The following FARS2 variants were observed in gnomAD, a reference collection of about 807,000 sequenced individuals.
FARS2 encodes phenylalanyl-tRNA synthetase 2, mitochondrial.
In FARS2, 40 loss-of-function variants were observed where a neutral mutation model predicts 46.4. The observed-to-expected ratio is 0.86, with a 90% CI of 0.67 to 1.12. The LOEUF (loss-of-function observed/expected upper bound fraction) is 1.12, where lower values mean the gene tolerates loss of function less well. FARS2 is among the 50% of genes most tolerant of loss of function. The pLI is 0.00. For missense variants in FARS2, 513 were observed against 567.9 expected, an observed-to-expected ratio of 0.90 and a Z score of 0.98; for synonymous variants, 234 against 214.9, an observed-to-expected ratio of 1.09 and a Z score of -0.78.
chr6:5,474,953 G>A (rs1029289678), intron 4 of FARS2, among the ~76,000 whole-genome samples: 16 of 152,100 alleles, frequency 1.1e-4, no homozygotes, highest in South Asian at 4.2e-4. Flanking sequence ...CCACCACGCC[G>A]GTGCCCAGCC....
intron 1 of FARS2, among the ~76,000 whole-genome samples, chr6:5,323,422 CT>C (rs1770124364): frequency 6.6e-6 from 1 of 152,126 alleles, no homozygotes; most frequent in African/African-American, 2.4e-5. Flanking sequence ...GAGGGTTGGC[CT>C]TAGGAAGCCT....
chr6:5,419,896 T>A (rs2432759), intron 3 of FARS2, among the ~76,000 whole-genome samples: 6,564 of 152,192 alleles, frequency 0.043, 478 homozygotes, highest in African/African-American at 0.15. Context: ...GCTCACTTTA[T>A]CCTCTCTTCC....
At chr6:5,616,027 A>G (rs1359385810) in intron 6 of FARS2, among the ~76,000 whole-genome samples, 1 of 151,168 alleles carries the variant, frequency 6.6e-6, no homozygotes, top group South Asian at 2.1e-4. Flanking sequence ...AAAAAAAAAA[A>G]AAAAAAAACA....
chr6:5,388,841 A>G (rs1760305495), intron 2 of FARS2, among the ~76,000 whole-genome samples: 1 of 152,130 alleles, frequency 6.6e-6, no homozygotes, highest in Non-Finnish European at 1.5e-5. Flanking sequence ...GTCCTGAGCT[A>G]TTCCTCCAGG....
rs537130892 is a variant in FARS2 at position 5,727,434 on chromosome 6, C to T, written c.1218-43857C>T. ...GAGGCAGGGTGCTGACTGGCCAGAA[C>T]GTAGGAAAGGCCAGGTCAGAGACTT... is the stretch of plus-strand genomic sequence containing the variant. On this transcript the variant is annotated intron_variant, in intron 6 of 6. Transcript: ENST00000274680. The surrounding 1 kb of genome is among the most constrained non-coding windows in gnomAD (Gnocchi z 4.1). Among the ~76,000 whole-genome samples the T allele has an allele frequency of 1.4e-4, 22 of 152,286 alleles. No individual in the cohort carries two copies. Among genetic ancestry groups the T allele is most frequent in the African/African-American group, 4.3e-4 (18 of 41,542 alleles).
chr6:5,491,815 C>CGA (rs1487685622), intron 4 of FARS2, among the ~76,000 whole-genome samples: 2 of 152,184 alleles, frequency 1.3e-5, no homozygotes, highest in African/African-American at 4.8e-5. Context: ...TGACACCTCA[C>CGA]ATGTAAGTAT....
At chr6:5,705,765 C>T (rs753412701) in intron 6 of FARS2, among the ~76,000 whole-genome samples, 3 of 152,188 alleles carry the variant, frequency 2.0e-5, no homozygotes, top group Non-Finnish European at 4.4e-5. Context: ...CATCCCTCAG[C>T]TCGCGCCCCT....
chr6:5,349,957 A>G (rs979195329), intron 1 of FARS2, among the ~76,000 whole-genome samples: 3 of 150,772 alleles, frequency 2.0e-5, no homozygotes, highest in Non-Finnish European at 4.4e-5. Context: ...GTCCATTACT[A>G]TCAACAAAAC....
chr6:5,489,753 G>C (rs1766989229), intron 4 of FARS2, among the ~76,000 whole-genome samples: 1 of 151,940 alleles, frequency 6.6e-6, no homozygotes, highest in African/African-American at 2.4e-5. Flanking sequence ...ATTAATTGCT[G>C]GTTATTATTA....
intron 1 of FARS2, among the ~76,000 whole-genome samples, chr6:5,285,084 A>G (rs73365034): frequency 3.2e-4 from 49 of 152,302 alleles, no homozygotes; most frequent in African/African-American, 1.1e-3. Flanking sequence ...AAGGAGAAAA[A>G]GTGACAGCAA....
intron 1 of FARS2, among the ~76,000 whole-genome samples, chr6:5,312,975 A>G (rs1047443418): frequency 6.6e-6 from 1 of 152,180 alleles, no homozygotes. Flanking sequence ...GCTGGAGAGC[A>G]CATAGCTATG....
intron 1 of FARS2, among the ~76,000 whole-genome samples, chr6:5,361,427 GA>G (rs1001783197): frequency 3.5e-4 from 53 of 152,272 alleles, no homozygotes; most frequent in African/African-American, 9.9e-4. Context: ...TAGATTCCCA[GA>G]AGGGTAATTA....
At chr6:5,525,228 TAGAA>T (rs1172272782) in intron 4 of FARS2, among the ~76,000 whole-genome samples, 1 of 127,450 alleles carries the variant, frequency 7.8e-6, no homozygotes, top group Non-Finnish European at 1.8e-5. Flanking sequence ...TCTATGTTGA[TAGAA>T]AGAAATCCAT....
intron 4 of FARS2, among the ~76,000 whole-genome samples, chr6:5,503,787 C>T (rs144146274): frequency 6.6e-6 from 1 of 152,214 alleles, no homozygotes; most frequent in East Asian, 1.9e-4. Context: ...CAAAAACACA[C>T]CTCACTGTGG....
intron 1 of FARS2, among the ~76,000 whole-genome samples, chr6:5,271,213 C>T (rs1402683810): frequency 6.6e-6 from 1 of 152,098 alleles, no homozygotes; most frequent in Non-Finnish European, 1.5e-5. Context: ...GGCCAGAGTC[C>T]TCTCTCTCGG....
chr6:5,609,293 T>A, intron 5 of FARS2: 2 of 1,090,032 alleles, frequency 1.8e-6, no homozygotes, highest in Non-Finnish European at 2.8e-6. Flanking sequence ...CTTGGTTTCA[T>A]GGTTTGGCAA....
intron 2 of FARS2, among the ~76,000 whole-genome samples, chr6:5,377,290 T>C (rs1332384230): frequency 6.6e-6 from 1 of 152,234 alleles, no homozygotes; most frequent in African/African-American, 2.4e-5. Flanking sequence ...CACTTGTGTG[T>C]GGGCCCTGAG....
chr6:5,584,020 ATC>A (rs1561731316), intron 5 of FARS2, among the ~76,000 whole-genome samples: 1 of 151,948 alleles, frequency 6.6e-6, no homozygotes, highest in Non-Finnish European at 1.5e-5. Flanking sequence ...TCCAGGAGGT[ATC>A]TCTGTTTCTG....
At chr6:5,443,792 G>A (rs1381443236) in intron 4 of FARS2, among the ~76,000 whole-genome samples, 1 of 152,178 alleles carries the variant, frequency 6.6e-6, no homozygotes, top group Admixed American at 6.5e-5. Context: ...TTCTTTTTCA[G>A]CTTACCGAGG....
Sources: gnomAD v4.1 joint callset for allele counts (sites outside exome capture counted in the v4.1 genomes callset) on GRCh38, gnomAD v4.1.1 for gene constraint, Gnocchi (gnomAD v3.1) non-coding constraint, MANE v1.5 for transcripts, NCBI Gene and HGNC (gene_info 2026-07-23, HGNC 2026-07-21) for gene names.